The following MYBPC1 variants were observed in gnomAD, a reference collection of about 807,000 sequenced individuals.
MYBPC1 encodes the protein myosin-binding protein C, slow-type.
Under a neutral mutation model 147.1 loss-of-function variants are expected in MYBPC1, and 52 were observed. The observed-to-expected ratio is 0.35, with a 90% CI of 0.28 to 0.45. The LOEUF (loss-of-function observed/expected upper bound fraction) is 0.45. Ranked by LOEUF, MYBPC1 falls within the 20% of genes least tolerant of loss-of-function variation. The pLI is 1.00. For synonymous variants in MYBPC1, 477 were observed against 475.9 expected (o/e 1.00, Z -0.03); for missense variants, 1,228 against 1,440.3 (o/e 0.85, Z 2.39).
rs115762536 is a variant in MYBPC1, at chr12:101,631,850, C to T, written c.438+131C>T. On this transcript the variant is annotated intron_variant, in intron 7 of 31. Transcript: ENST00000361466. ...TCCTCTGAAGTTACCATTGCAGTGT[C>T]TACACTCTATTGCGATTGCCCGGCT... The T allele has an allele frequency of 4.2e-4, 590 of 1,420,970 alleles. 2 individuals carry two copies. In the African/African-American group the frequency reaches 7.5e-3, roughly 18 times the overall value. The allele number at this position is 1,420,970 out of a possible 1,614,324, so 88.0% of individuals were successfully genotyped here.
intron 13 of MYBPC1, 49 bp downstream of exon 13, chr12:101,646,936 C>T (rs996007519): frequency 6.2e-7 from 1 of 1,606,472 alleles, no homozygotes; most frequent in Non-Finnish European, 8.5e-7. Flanking sequence ...TTGGCTTCTT[C>T]TCCCAGGGAT....
At chr12:101,606,480 T>TTTTTTTG (rs1882242930) in intron 1 of MYBPC1, among the ~76,000 whole-genome samples, 1 of 151,732 alleles carries the variant, frequency 6.6e-6, no homozygotes, top group Non-Finnish European at 1.5e-5. Flanking sequence ...TTTTTTTTTT[T>TTTTTTTG]TGGTATAGAG....
chr12:101,665,655 TA>T (rs2136539090), intron 22 of MYBPC1, among the ~76,000 whole-genome samples: 1 of 152,328 alleles, frequency 6.6e-6, no homozygotes, highest in African/African-American at 2.4e-5. Flanking sequence ...TTTCCCCAAT[TA>T]AAGTGGTTCC....
At chr12:101,673,315 A>G in intron 24 of MYBPC1, 112 bp from the exon 25 acceptor site, 1 of 1,106,284 alleles carries the variant, frequency 9.0e-7, no homozygotes, top group African/African-American at 1.5e-5. Context: ...GAAGGGTGGT[A>G]TTTTCCAGCC....
intron 22 of MYBPC1, chr12:101,666,310 C>T (rs181440778): frequency 2.2e-4 from 45 of 207,332 alleles, no homozygotes; most frequent in African/African-American, 1.0e-3. Context: ...TCCCTGGGGA[C>T]CCAAGAGAAT....
At chr12:101,693,087 C>T in the MYBPC1 span, among the ~76,000 whole-genome samples, 1 of 151,918 alleles carries the variant, frequency 6.6e-6, no homozygotes, top group African/African-American at 2.4e-5. Flanking sequence ...GCTGGGACTA[C>T]AGGTGCCCAC....
At chr12:101,675,587 G>A (rs1384088371) in intron 26 of MYBPC1, among the ~76,000 whole-genome samples, 156 bp downstream of exon 26, 1 of 152,214 alleles carries the variant, frequency 6.6e-6, no homozygotes, top group Admixed American at 6.5e-5. Flanking sequence ...GAGCCACAGA[G>A]CTGGTCTTAA....
chr12:101,695,008 T>C, the MYBPC1 span, among the ~76,000 whole-genome samples: 1 of 152,258 alleles, frequency 6.6e-6, no homozygotes, highest in African/African-American at 2.4e-5. Context: ...AGAATTTCTT[T>C]AGGATCTGTT....
chr12:101,668,318 T>C (rs947500465), intron 23 of MYBPC1, among the ~76,000 whole-genome samples: 3 of 152,124 alleles, frequency 2.0e-5, no homozygotes, highest in South Asian at 2.1e-4. Context: ...TCTTCACTGA[T>C]AGTATAAAAA....
intron 1 of MYBPC1, among the ~76,000 whole-genome samples, chr12:101,598,482 T>C (rs1878401209): frequency 6.6e-6 from 1 of 152,230 alleles, no homozygotes; most frequent in South Asian, 2.1e-4. Context: ...TTCCTCAGAA[T>C]TTTACCTCTG....
Position 101,629,492 on chromosome 12 carries a change from C to G in MYBPC1, c.237C>G (p.Ser79=). Reference sequence around the variant, plus strand: ...AACAAGCCAAGCAGAATGCCAACTCCCAGCTGTCCATCTTGTTCATTGAAA... The same window carrying G: ...AACAAGCCAAGCAGAATGCCAACTCGCAGCTGTCCATCTTGTTCATTGAAA... The part of the protein sequence containing the change: ...GEEQAKQNAN[S]QLSILFIEKP... The change falls in exon 6 of 32, where the codon TCC becomes TCG. Residue 79 remains serine, a synonymous_variant. Coordinates refer to ENST00000361466, the MANE Select transcript of MYBPC1 (RefSeq NM_002465.4). 1.9e-6 allele frequency: 3 copies of G among 1,614,020 alleles called. No individual in the cohort carries two copies. Among genetic ancestry groups the G allele is most frequent in the Non-Finnish European group, 8.5e-7 (1 of 1,179,970 alleles).
intron 9 of MYBPC1, 49 bp from the exon 10 acceptor site, chr12:101,636,623 G>T (rs1442251196): frequency 6.6e-7 from 1 of 1,512,052 alleles, no homozygotes; most frequent in Non-Finnish European, 9.2e-7. Context: ...AAATTGTTGT[G>T]TATGTCTCTG....
intron 3 of MYBPC1, among the ~76,000 whole-genome samples, chr12:101,618,379 T>C (rs1886613132): frequency 6.6e-6 from 1 of 152,154 alleles, no homozygotes; most frequent in Admixed American, 6.6e-5. Flanking sequence ...AGTTTGAAGG[T>C]TATTTGCTTA....
At chr12:101,675,625 T>G (rs1899789588) in intron 26 of MYBPC1, among the ~76,000 whole-genome samples, 194 bp downstream of exon 26, 1 of 152,344 alleles carries the variant, frequency 6.6e-6, no homozygotes, top group South Asian at 2.1e-4. Flanking sequence ...TAAGACCACA[T>G]GTATAAGGAC....
intron 2 of MYBPC1, among the ~76,000 whole-genome samples, chr12:101,616,262 T>C (rs945659715): frequency 2.0e-5 from 3 of 152,242 alleles, no homozygotes; most frequent in Admixed American, 6.5e-5. Flanking sequence ...TTCCTTGGTA[T>C]GTTTTCTCCT....
chr12:101,675,023 C>T (rs929039665), intron 25 of MYBPC1, among the ~76,000 whole-genome samples: 2 of 151,182 alleles, frequency 1.3e-5, no homozygotes, highest in African/African-American at 4.9e-5. Context: ...AAGGGTCATT[C>T]CCTTTAAACT....
intron 12 of MYBPC1, among the ~76,000 whole-genome samples, chr12:101,645,001 C>G (rs1363373268): frequency 1.3e-5 from 2 of 152,110 alleles, no homozygotes; most frequent in South Asian, 2.1e-4. Flanking sequence ...ATGTTTAATT[C>G]TAAAAAACTA....
chr12:101,610,766 G>T (rs1883983141), intron 1 of MYBPC1, among the ~76,000 whole-genome samples: 1 of 152,146 alleles, frequency 6.6e-6, no homozygotes, highest in Non-Finnish European at 1.5e-5. Flanking sequence ...CAATTCAGTG[G>T]GGAAAATGGT....
At chr12:101,611,187 G>A (rs943520644) in intron 1 of MYBPC1, among the ~76,000 whole-genome samples, 5 of 152,142 alleles carry the variant, frequency 3.3e-5, no homozygotes, top group South Asian at 2.1e-4. Flanking sequence ...ATCCCACAAC[G>A]GTCCTAGCAG....
Sources: allele counts gnomAD v4.1 joint callset (sites outside exome capture counted in the v4.1 genomes callset), GRCh38; gene constraint gnomAD v4.1.1; transcripts MANE v1.5; gene names NCBI Gene and HGNC (gene_info 2026-07-23, HGNC 2026-07-21).